Variants in PLPPR5 observed in about 807,000 individuals in gnomAD.
The protein encoded by PLPPR5 is phospholipid phosphatase-related protein type 5.
In PLPPR5, 16 loss-of-function variants were observed where a neutral mutation model predicts 33.9. The observed-to-expected ratio is 0.47, with a 90% CI of 0.32 to 0.72. The LOEUF is 0.72. PLPPR5 is among the 30% of genes least tolerant of loss of function. The probability of loss-of-function intolerance (pLI) is 0.03; values close to 1 mark genes in which losing one functional copy is unlikely to be tolerated. For missense variants in PLPPR5, 301 were observed against 406.7 expected, an observed-to-expected ratio of 0.74 and a Z score of 2.23; for synonymous variants, 163 against 150.3, an observed-to-expected ratio of 1.08 and a Z score of -0.62.
At chr1:98,927,035 C>A (rs1377345370) in intron 3 of PLPPR5, among the ~76,000 whole-genome samples, 2 of 152,138 alleles carry the variant, frequency 1.3e-5, no homozygotes, top group Admixed American at 1.3e-4. Context: ...CCAGACAGAC[C>A]TGTGTTCACT....
chr1:98,942,938 A>G (rs1650428144), intron 3 of PLPPR5, among the ~76,000 whole-genome samples: 2 of 152,038 alleles, frequency 1.3e-5, no homozygotes, highest in African/African-American at 2.4e-5. Flanking sequence ...GTGTCTTAAT[A>G]TCCATGGGGA....
chr1:98,896,075 C>G (rs374267018), intron 5 of PLPPR5, among the ~76,000 whole-genome samples: 23 of 151,620 alleles, frequency 1.5e-4, no homozygotes, highest in African/African-American at 5.1e-4. Flanking sequence ...TTCCCTGAAG[C>G]AATCTAAAGA....
At chr1:98,964,959 CCA>C (rs1257071750) in intron 1 of PLPPR5, among the ~76,000 whole-genome samples, 1 of 150,308 alleles carries the variant, frequency 6.7e-6, no homozygotes, top group Non-Finnish European at 1.5e-5. Context: ...GCAACCATGC[CCA>C]GTTAATTTTT....
At chr1:98,907,760 T>C (rs1648962012) in intron 5 of PLPPR5, among the ~76,000 whole-genome samples, 1 of 152,224 alleles carries the variant, frequency 6.6e-6, no homozygotes, top group African/African-American at 2.4e-5. Flanking sequence ...TCAGTCTGAA[T>C]GGATTGTGAG....
At chr1:98,919,550 T>C (rs1035535606) in intron 4 of PLPPR5, among the ~76,000 whole-genome samples, 3 of 152,162 alleles carry the variant, frequency 2.0e-5, no homozygotes, top group African/African-American at 7.2e-5. Flanking sequence ...CTGGGAATCA[T>C]CATAGAAGGC....
rs572145572 is a variant in PLPPR5 at position 98,985,678 on chromosome 1, C to T, written c.237+18757G>A. On this transcript the variant is annotated intron_variant, in intron 1 of 5. Transcript: ENST00000263177. ...ATTATACCATATTTTTACTGTACCT[C>T]CTCTGTTTAAATATGTTTATATACA... 6.9e-4 allele frequency among the ~76,000 whole-genome samples: 105 copies of T among 152,066 alleles called. 1 individual carries two copies. Among genetic ancestry groups the T allele is most frequent in the Admixed American group, 2.0e-3 (30 of 15,240 alleles).
intron 5 of PLPPR5, among the ~76,000 whole-genome samples, chr1:98,903,556 GTGCGATGTATGAAATAGACAATATC>G (rs1035052510): frequency 5.9e-5 from 9 of 151,964 alleles, no homozygotes; most frequent in Non-Finnish European, 1.2e-4. Flanking sequence ...TCCTGCATTT[GTGCGATGTATGAAATAGACAATATC>G]TGTATAAACT....
chr1:98,899,579 C>T (rs1454439692), intron 5 of PLPPR5, among the ~76,000 whole-genome samples: 1 of 151,638 alleles, frequency 6.6e-6, no homozygotes, highest in Non-Finnish European at 1.5e-5. Context: ...ATTAACTGCA[C>T]ATTATATGTC....
intron 5 of PLPPR5, among the ~76,000 whole-genome samples, chr1:98,906,665 C>T (rs1386235734): frequency 6.6e-6 from 1 of 152,166 alleles, no homozygotes; most frequent in Non-Finnish European, 1.5e-5. Context: ...CAACTGGGAA[C>T]AATACTACTA....
rs200730897 is a variant in PLPPR5 at position 98,953,056 on chromosome 1, T to C, written c.621+14A>G. 3.1e-4 allele frequency: 505 copies of C among 1,613,294 alleles called. No individual in the cohort carries two copies. Among genetic ancestry groups the C allele is most frequent in the Non-Finnish European group, 4.0e-4 (468 of 1,179,612 alleles). Reference sequence around the variant, plus strand: ...AATACAGACTAAGACAACAAATTTATAATCCTTACTTACGGTCAGATACAT... The same window carrying C: ...AATACAGACTAAGACAACAAATTTACAATCCTTACTTACGGTCAGATACAT... On this transcript the variant is annotated intron_variant, in intron 3 of 5. Transcript: ENST00000263177.
At chr1:98,916,993 T>C (rs1649380704) in intron 4 of PLPPR5, among the ~76,000 whole-genome samples, 1 of 152,166 alleles carries the variant, frequency 6.6e-6, no homozygotes, top group Non-Finnish European at 1.5e-5. Context: ...GAGGTTGCAA[T>C]AGATCACTAA....
At chr1:98,963,224 T>C (rs926887620) in intron 1 of PLPPR5, among the ~76,000 whole-genome samples, 1 of 152,218 alleles carries the variant, frequency 6.6e-6, no homozygotes, top group Non-Finnish European at 1.5e-5. Context: ...ATGATTTACA[T>C]ATTGCCTATT....
chr1:98,897,599 G>T (rs921495296), intron 5 of PLPPR5, among the ~76,000 whole-genome samples: 23 of 152,054 alleles, frequency 1.5e-4, no homozygotes, highest in African/African-American at 5.6e-4. Flanking sequence ...TCAGCATAGG[G>T]TTTTAACCTA....
rs566367618 is a variant in PLPPR5 at position 98,986,366 on chromosome 1, C to T, written c.237+18069G>A. 5.3e-5 allele frequency among the ~76,000 whole-genome samples: 8 copies of T among 151,812 alleles called. No homozygotes were observed. The South Asian group carries it at 1.0e-3, about 20-fold the overall frequency. ...ATTCATAAAATGTTAGTATAAGACA[C>T]GGAGTTCAAAATTGCTTAATTCCCA... On this transcript the variant is annotated intron_variant, in intron 1 of 5. Transcript: ENST00000263177.
chr1:98,918,841 T>A (rs938317780), intron 4 of PLPPR5, among the ~76,000 whole-genome samples: 2 of 152,222 alleles, frequency 1.3e-5, no homozygotes, highest in Admixed American at 6.5e-5. Flanking sequence ...AAAAAATTCT[T>A]TAATCATTCC....
intron 3 of PLPPR5, among the ~76,000 whole-genome samples, chr1:98,927,861 T>C (rs1259622754): frequency 6.6e-6 from 1 of 152,148 alleles, no homozygotes; most frequent in Non-Finnish European, 1.5e-5. Context: ...TCACCCTTTA[T>C]AATTTGTGTT....
chr1:98,945,412 C>T (rs1650514992), intron 3 of PLPPR5, among the ~76,000 whole-genome samples: 1 of 152,142 alleles, frequency 6.6e-6, no homozygotes, highest in South Asian at 2.1e-4. Context: ...AACAAGTTTC[C>T]TTCACTTACT....
At chr1:98,922,451 T>TC (rs1185407256) in intron 3 of PLPPR5, among the ~76,000 whole-genome samples, 1 of 152,170 alleles carries the variant, frequency 6.6e-6, no homozygotes, top group Non-Finnish European at 1.5e-5. Context: ...GTTGAAGTGT[T>TC]TAAGTGTTTT....
At chr1:98,904,933 C>T (rs1360802533) in intron 5 of PLPPR5, among the ~76,000 whole-genome samples, 2 of 152,174 alleles carry the variant, frequency 1.3e-5, no homozygotes, top group Non-Finnish European at 2.9e-5. Context: ...TGAGATAAGT[C>T]CTCTAAATCA....
Sources: allele counts gnomAD v4.1 joint callset (sites outside exome capture counted in the v4.1 genomes callset), GRCh38; gene constraint gnomAD v4.1.1; transcripts MANE v1.5; gene names NCBI Gene and HGNC (gene_info 2026-07-23, HGNC 2026-07-21).